Variants in ZNF462 observed in about 807,000 individuals in gnomAD.
The protein encoded by ZNF462 is zinc finger protein 462, also known as zinc finger PBX1-interacting protein.
Under a neutral mutation model 201.9 loss-of-function variants are expected in ZNF462, and 10 were observed. The ratio of observed to expected loss-of-function variants is 0.05; its 90% CI spans 0.03 to 0.08. ZNF462 has a LOEUF of 0.08. ZNF462 is among the 10% of genes least tolerant of loss of function. The pLI is 1.00. For missense variants in ZNF462, 2,523 were observed against 3,168.3 expected (o/e 0.80, Z 4.89); for synonymous variants, 1,227 against 1,193.3 (o/e 1.03, Z -0.58).
At chr9:106,897,937 C>T (rs1055528573) in intron 1 of ZNF462, among the ~76,000 whole-genome samples, 1 of 152,198 alleles carries the variant, frequency 6.6e-6, no homozygotes, top group African/African-American at 2.4e-5. Context: ...AGCTTCTCCA[C>T]CAGCCCTCTC....
At position 107,009,425 on chromosome 9, in the gene ZNF462, T is replaced by A; in HGVS notation, c.7190-120T>A. 7.5e-7 allele frequency: 1 copy of A among 1,339,774 alleles called. No homozygotes were observed. The highest frequency in any genetic ancestry group is 1.5e-5 in the South Asian group (1 of 67,126). 83.0% of individuals were successfully genotyped at this position (1,339,774 alleles called of 1,614,324 possible). ...AAGAAAAAGTGAGGAATCTGGAAAT[T>A]GCTTTCACCACATGGCTTTATCAGT... On this transcript the variant is annotated intron_variant, in intron 11 of 12. Coordinates refer to ENST00000277225, the MANE Select transcript of ZNF462 (RefSeq NM_021224.6). This position sits in a 1 kb window ranked among gnomAD's most constrained non-coding sequence, Gnocchi z 6.1.
At chr9:106,947,851 G>T (rs368427259) in intron 7 of ZNF462, among the ~76,000 whole-genome samples, 2 of 152,282 alleles carry the variant, frequency 1.3e-5, no homozygotes, top group East Asian at 3.9e-4. Flanking sequence ...AGCCTTGGCT[G>T]CTTATATGTC....
chr9:106,903,357 T>A lies in ZNF462; in HGVS notation c.-30-19997T>A, dbSNP rs577573858. Among the ~76,000 whole-genome samples the A allele has an allele frequency of 1.2e-4, 19 of 152,316 alleles. 1 individual carries two copies. The South Asian group carries it at 3.7e-3, about 30-fold the overall frequency. ...ATTTTGTGGCCTATCATATGGTCTA[T>A]CTTGGAGAACATTCCATGTGCTGGT... On this transcript the variant is annotated intron_variant, in intron 1 of 12. Transcript: ENST00000277225.
chr9:106,925,873 C>T lies in ZNF462; in HGVS notation c.1961C>T (p.Thr654Ile). The T allele has an allele frequency of 6.2e-7, 1 of 1,614,210 alleles. No homozygotes were observed. The highest frequency in any genetic ancestry group is 8.5e-7 in the Non-Finnish European group (1 of 1,180,058). Residue 654 changes from threonine (T) to isoleucine (I), a missense_variant, in exon 3 of 13, where the codon ACT becomes ATT. By Grantham distance (89) the Thr-to-Ile change is moderately conservative. Transcript: ENST00000277225. This position sits in a 1 kb window ranked among gnomAD's most constrained non-coding sequence, Gnocchi z 7.9. The part of the protein sequence containing the change: ...ETDSHPSSSN[T>I]VKKSQTSILG... ...GACAGCCACCCCTCTTCCAGCAACA[C>T]TGTGAAGAAAAGTCAGACCTCAATT...
intron 8 of ZNF462, among the ~76,000 whole-genome samples, chr9:106,973,583 G>A (rs960826082): frequency 1.2e-4 from 19 of 152,126 alleles, no homozygotes; most frequent in African/African-American, 3.9e-4. Flanking sequence ...GACATTTAAG[G>A]CTTTGCAAAT....
chr9:106,875,978 T>C (rs759395657), intron 1 of ZNF462, among the ~76,000 whole-genome samples: 4 of 152,220 alleles, frequency 2.6e-5, no homozygotes, highest in Non-Finnish European at 5.9e-5. Flanking sequence ...ATAGATACTC[T>C]CTAGGCACTT....
rs967280705 is a variant in ZNF462 at position 106,963,484 on chromosome 9, A to G, written c.6428-8521A>G. On this transcript the variant is annotated intron_variant, in intron 7 of 12. Coordinates refer to ENST00000277225, the MANE Select transcript of ZNF462 (RefSeq NM_021224.6). This position sits in a 1 kb window ranked among gnomAD's most constrained non-coding sequence, Gnocchi z 4.7. The stretch of plus-strand genomic sequence containing the variant: ...ATGAACCCTTGCTCCTGTGGAGCTG[A>G]CATTACCTGCTTGGTTGTCATTTCA... 1.6e-4 allele frequency among the ~76,000 whole-genome samples: 24 copies of G among 152,060 alleles called. No individual in the cohort carries two copies. Among genetic ancestry groups the G allele is most frequent in the Admixed American group, 2.0e-4 (3 of 15,242 alleles).
intron 1 of ZNF462, among the ~76,000 whole-genome samples, chr9:106,900,214 G>A (rs112263855): frequency 0.019 from 1,874 of 99,760 alleles, 38 homozygotes; most frequent in African/African-American, 0.074. Context: ...GTGTGTGTGT[G>A]TGTGTGTGTG....
At chr9:106,956,955 C>T (rs1294961673) in intron 7 of ZNF462, among the ~76,000 whole-genome samples, 1 of 152,128 alleles carries the variant, frequency 6.6e-6, no homozygotes, top group Non-Finnish European at 1.5e-5. Context: ...CAACTTTCTC[C>T]ATAATCAGCA....
chr9:106,971,577 C>CT (rs1196889216), intron 7 of ZNF462, among the ~76,000 whole-genome samples: 1 of 135,572 alleles, frequency 7.4e-6, no homozygotes, highest in Non-Finnish European at 1.6e-5. Flanking sequence ...AATCATCCCT[C>CT]TTAAAAAAAA....
Position 106,968,980 on chromosome 9 carries a change from CT to C in ZNF462, c.6428-3020del. ...AATTTTATGTAGCTTAGCAAGTGGG[CT>C]TTTTAAAGATCGGTGGAATGATACA... On this transcript the variant is annotated intron_variant, in intron 7 of 12. Coordinates refer to ENST00000277225, the MANE Select transcript of ZNF462 (RefSeq NM_021224.6). This position sits in a 1 kb window ranked among gnomAD's most constrained non-coding sequence, Gnocchi z 4.0. 6.6e-6 allele frequency among the ~76,000 whole-genome samples: 1 copy of C among 152,230 alleles called. No individual in the cohort carries two copies. Among genetic ancestry groups the C allele is most frequent in the East Asian group, 1.9e-4 (1 of 5,180 alleles).
chr9:106,873,852 T>C (rs551038039), intron 1 of ZNF462, among the ~76,000 whole-genome samples: 125 of 152,312 alleles, frequency 8.2e-4, no homozygotes, highest in Middle Eastern at 3.4e-3. Flanking sequence ...GGTTGGACAT[T>C]AGTTGCTGAA....
intron 1 of ZNF462, among the ~76,000 whole-genome samples, chr9:106,922,207 A>G (rs1298397307): frequency 6.6e-6 from 1 of 152,240 alleles, no homozygotes; most frequent in Non-Finnish European, 1.5e-5. Context: ...TCTAGATTAC[A>G]GTGACTCAGT....
At chr9:106,948,457 G>A (rs1831202829) in intron 7 of ZNF462, among the ~76,000 whole-genome samples, 1 of 152,082 alleles carries the variant, frequency 6.6e-6, no homozygotes, top group African/African-American at 2.4e-5. Context: ...TTTTGAGATG[G>A]CTGCATAGAA....
intron 10 of ZNF462, among the ~76,000 whole-genome samples, chr9:106,991,626 G>A (rs898913680): frequency 3.3e-5 from 5 of 151,880 alleles, no homozygotes; most frequent in African/African-American, 1.2e-4. Context: ...CACCCATCTT[G>A]ATTTCAAAAC....
At chr9:106,873,463 C>A (rs774708809) in intron 1 of ZNF462, among the ~76,000 whole-genome samples, 7 of 151,648 alleles carry the variant, frequency 4.6e-5, no homozygotes, top group Non-Finnish European at 1.0e-4. Context: ...CTTCATAGGG[C>A]CCCTTTTGAA....
chr9:106,936,173 T>A (rs961950870), intron 6 of ZNF462, among the ~76,000 whole-genome samples: 2 of 152,132 alleles, frequency 1.3e-5, no homozygotes, highest in Non-Finnish European at 2.9e-5. Flanking sequence ...TAGAAAAAAT[T>A]GGAAATGAAA....
chr9:106,914,476 C>T lies in ZNF462; in HGVS notation c.-30-8878C>T, dbSNP rs999603288. ...GCAAGCGGGGAATAAAATTACCGCT[C>T]GTTGGGACTACTGCTTTATGACAAC... On this transcript the variant is annotated intron_variant, in intron 1 of 12. Transcript: ENST00000277225. 2.6e-5 allele frequency among the ~76,000 whole-genome samples: 4 copies of T among 152,188 alleles called. No individual in the cohort carries two copies. The South Asian group carries it at 6.2e-4, about 24-fold the overall frequency.
rs760280069 is a variant in ZNF462 at position 107,003,990 on chromosome 9, A to G, written c.7189+564A>G. On this transcript the variant is annotated intron_variant, in intron 11 of 12. Transcript: ENST00000277225. The surrounding 1 kb of genome is among the most constrained non-coding windows in gnomAD (Gnocchi z 4.4). ...TCATTCAACTATGTATTTACAGAAT[A>G]CACTGGGGAAGGTTTTGTGGGACTT... Among the ~76,000 whole-genome samples, 5 of 152,174 alleles carry G rather than the reference A, an allele frequency of 3.3e-5. No individual in the cohort carries two copies. The highest frequency in any genetic ancestry group is 7.4e-5 in the Non-Finnish European group (5 of 68,018).
Sources: gnomAD v4.1 joint callset for allele counts (sites outside exome capture counted in the v4.1 genomes callset) on GRCh38, gnomAD v4.1.1 for gene constraint, Gnocchi (gnomAD v3.1) non-coding constraint, MANE v1.5 for transcripts, NCBI Gene and HGNC (gene_info 2026-07-23, HGNC 2026-07-21) for gene names.